PCDH7: variants seen among roughly 807,000 people sequenced by gnomAD.
PCDH7 encodes protocadherin-7.
A neutral mutation model predicts 58.9 loss-of-function variants in PCDH7; 17 were observed. The observed-to-expected ratio is 0.29, with a 90% CI of 0.20 to 0.43. The LOEUF (loss-of-function observed/expected upper bound fraction) is 0.43, where lower values mean the gene tolerates loss of function less well. Ranked by LOEUF, PCDH7 falls within the 20% of genes least tolerant of loss-of-function variation. The pLI is 1.00. For missense variants in PCDH7, 1,274 were observed against 1,441.0 expected (o/e 0.88, Z 1.88); for synonymous variants, 664 against 616.4 (o/e 1.08, Z -1.14).
chr4:30,742,874 T>C (rs1197972510), intron 1 of PCDH7, among the ~76,000 whole-genome samples: 1 of 152,204 alleles, frequency 6.6e-6, no homozygotes, highest in Admixed American at 6.5e-5. Context: ...CCATACAATA[T>C]GCCATCATAT....
rs762839871 is a variant in PCDH7 at position 30,723,337 on chromosome 4, T to C, written c.1915T>C (p.Phe639Leu). 2 of 1,614,022 alleles carry C rather than the reference T, an allele frequency of 1.2e-6. No homozygotes were observed. The highest frequency in any genetic ancestry group is 1.7e-6 in the Non-Finnish European group (2 of 1,180,024). Residue 639 changes from phenylalanine to leucine, a missense_variant, in exon 1 of 2, where the codon TTT becomes CTT. Around this residue, in one of 3 missense-constraint regions of PCDH7, gnomAD observed 731 missense variants for 881.9 expected, o/e 0.83. Coordinates refer to ENST00000361762, the Ensembl canonical transcript of PCDH7. The surrounding 1 kb of genome is among the most constrained non-coding windows in gnomAD (Gnocchi z 4.6). ...TGATAAAAATGACAATGACCCTAAG[T>C]TTATGCAGGACGTCTTCACCTTTTA...
In PCDH7 at chr4:31,017,761, GATAA is replaced by G. The variant is rs1016667129; in HGVS notation, c.*7+67548_*7+67551del. On this transcript the variant is annotated intron_variant, in intron 3 of 3. Transcript: ENST00000509759. ...TAATACTTAGCTCAAGGCGGGGATAGATAAAGAACTCTTTTTAGAGTTGAGGGTA... is the reference window on the plus strand; with the variant it reads ...TAATACTTAGCTCAAGGCGGGGATAGAGAACTCTTTTTAGAGTTGAGGGTA... 6.6e-4 allele frequency among the ~76,000 whole-genome samples: 73 copies of G among 110,840 alleles called. 1 individual carries two copies. Among genetic ancestry groups the G allele is most frequent in the African/African-American group, 2.9e-3 (73 of 24,762 alleles). The allele number at this position is 110,840 out of a possible 152,430, so 72.7% of individuals were successfully genotyped here.
At chr4:30,987,351 T>C (rs957826853) in intron 3 of PCDH7, among the ~76,000 whole-genome samples, 7 of 152,118 alleles carry the variant, frequency 4.6e-5, no homozygotes, top group African/African-American at 1.7e-4. Flanking sequence ...ATTACTGGTA[T>C]GTCTTTTTTG....
chr4:31,115,307 A>T (rs577734789), intron 3 of PCDH7, among the ~76,000 whole-genome samples: 1 of 152,120 alleles, frequency 6.6e-6, no homozygotes. Flanking sequence ...GTTAACTGGT[A>T]TTATCAATCC....
chr4:30,936,057 G>A (rs1050804188), intron 2 of PCDH7, among the ~76,000 whole-genome samples: 2 of 152,046 alleles, frequency 1.3e-5, no homozygotes, highest in Non-Finnish European at 2.9e-5. Flanking sequence ...ACGTGAAGTG[G>A]ATAACCTATC....
intron 1 of PCDH7, among the ~76,000 whole-genome samples, chr4:30,887,388 C>T (rs2109378758): frequency 6.6e-6 from 1 of 152,146 alleles, no homozygotes; most frequent in Admixed American, 6.5e-5. Flanking sequence ...GCTTAGTTTT[C>T]ACTTGAAACA....
At chr4:30,949,499 A>T (rs1181318979) in intron 2 of PCDH7, among the ~76,000 whole-genome samples, 1 of 152,186 alleles carries the variant, frequency 6.6e-6, no homozygotes, top group Non-Finnish European at 1.5e-5. Context: ...AAGTATACAT[A>T]GTCCAGATTA....
intron 1 of PCDH7, among the ~76,000 whole-genome samples, chr4:30,837,527 G>A (rs1730637735): frequency 6.6e-6 from 1 of 151,156 alleles, no homozygotes; most frequent in Admixed American, 6.6e-5. Context: ...AAATAAGGAA[G>A]GAAATTAAAA....
At chr4:30,747,376 C>CT (rs148473515) in intron 1 of PCDH7, among the ~76,000 whole-genome samples, 5,527 of 152,214 alleles carry the variant, frequency 0.036, 261 homozygotes, top group East Asian at 0.22. Context: ...AAACAACAAA[C>CT]TTTTTTATTT....
intron 1 of PCDH7, among the ~76,000 whole-genome samples, chr4:30,767,676 T>A (rs921405258): frequency 3.3e-5 from 5 of 152,190 alleles, no homozygotes; most frequent in African/African-American, 7.2e-5. Flanking sequence ...ACTCTTAGTC[T>A]CCCAGAGGTA....
intron 2 of PCDH7, among the ~76,000 whole-genome samples, chr4:30,938,050 G>T (rs1277636236): frequency 6.6e-6 from 1 of 152,106 alleles, no homozygotes; most frequent in Middle Eastern, 3.4e-3. Context: ...ATAAGGTAGG[G>T]CATTTCTGAA....
intron 2 of PCDH7, among the ~76,000 whole-genome samples, chr4:30,938,043 A>T (rs1022453909): frequency 6.6e-6 from 1 of 152,080 alleles, no homozygotes; most frequent in Non-Finnish European, 1.5e-5. Flanking sequence ...CCTAAGAATA[A>T]GGTAGGGCAT....
At chr4:30,940,682 G>A (rs1051055530) in intron 2 of PCDH7, among the ~76,000 whole-genome samples, 1 of 151,924 alleles carries the variant, frequency 6.6e-6, no homozygotes, top group Non-Finnish European at 1.5e-5. Context: ...ACATAAAAGA[G>A]CATAGATGGT....
chr4:30,808,905 G>T (rs977175696), intron 1 of PCDH7, among the ~76,000 whole-genome samples: 1 of 152,062 alleles, frequency 6.6e-6, no homozygotes, highest in African/African-American at 2.4e-5. Context: ...CTTCATCAGT[G>T]ACTAATTGCT....
intron 3 of PCDH7, among the ~76,000 whole-genome samples, chr4:31,027,815 C>T (rs775382866): frequency 3.9e-5 from 6 of 152,190 alleles, no homozygotes; most frequent in African/African-American, 7.2e-5. Context: ...GATTATGTCT[C>T]TGACTGTTGG....
intron 3 of PCDH7, among the ~76,000 whole-genome samples, chr4:31,030,802 A>G (rs1256916702): frequency 6.6e-6 from 1 of 152,206 alleles, no homozygotes; most frequent in Admixed American, 6.5e-5. Flanking sequence ...ATTGGTGAAC[A>G]TTAATCATGT....
At chr4:30,811,406 G>T (rs9291552) in intron 1 of PCDH7, among the ~76,000 whole-genome samples, 2,248 of 152,278 alleles carry the variant, frequency 0.015, 61 homozygotes, top group African/African-American at 0.051. Flanking sequence ...TAAAAAAAAG[G>T]ATGACAGTTT....
At chr4:30,847,724 A>G (rs1208962348) in intron 1 of PCDH7, among the ~76,000 whole-genome samples, 1 of 152,162 alleles carries the variant, frequency 6.6e-6, no homozygotes, top group Non-Finnish European at 1.5e-5. Flanking sequence ...GTAAAGTGTT[A>G]TAAACAAATT....
At chr4:31,034,800 G>T (rs1220649102) in intron 3 of PCDH7, among the ~76,000 whole-genome samples, 1 of 151,420 alleles carries the variant, frequency 6.6e-6, no homozygotes, top group East Asian at 2.1e-4. Flanking sequence ...TGGATTCTCT[G>T]TCAGCATTTA....
Sources: allele counts gnomAD v4.1 joint callset (sites outside exome capture counted in the v4.1 genomes callset), GRCh38; gene constraint gnomAD v4.1.1; regional missense constraint gnomAD v4.1.1; non-coding constraint Gnocchi (gnomAD v3.1); transcripts MANE v1.5; gene names NCBI Gene and HGNC (gene_info 2026-07-23, HGNC 2026-07-21).